Variants in HFE observed in about 807,000 individuals in gnomAD.
HFE encodes the protein hereditary hemochromatosis protein.
In HFE, 36 loss-of-function variants were observed where a neutral mutation model predicts 40.9. The observed-to-expected ratio is 0.88, with a 90% CI of 0.67 to 1.16. HFE has a LOEUF of 1.16. Ranked by LOEUF, HFE falls within the 50% of genes most tolerant of loss-of-function variation. The pLI, the probability that HFE is intolerant of heterozygous loss-of-function variation, is 0.00. For missense variants in HFE, 376 were observed against 432.0 expected, an observed-to-expected ratio of 0.87 and a Z score of 1.15; for synonymous variants, 157 against 165.4, an observed-to-expected ratio of 0.95 and a Z score of 0.39.
intron 5 of HFE, among the ~76,000 whole-genome samples, chr6:26,093,898 CT>C (rs1378362341): frequency 6.6e-6 from 1 of 151,904 alleles, no homozygotes; most frequent in East Asian, 1.9e-4. Context: ...GTCCAAGGGT[CT>C]TTTGGGATAT....
intron 1 of HFE, among the ~76,000 whole-genome samples, chr6:26,090,605 G>A (rs1315929136): frequency 2.6e-5 from 4 of 152,028 alleles, no homozygotes; most frequent in African/African-American, 9.7e-5. Context: ...CTAATCATGA[G>A]TATTGGAATA....
rs374956293 is a variant in HFE at position 26,094,266 on chromosome 6, T to G, written c.*40T>G. 8.2e-6 allele frequency: 13 copies of G among 1,594,408 alleles called. No homozygotes were observed. In the African/African-American group the frequency reaches 1.6e-4, roughly 20 times the overall value. ...ACTCACTGTGGGAAGGAGACAAAAC[T>G]AGAGACTCAAAGAGGGAGTGCATTT... On this transcript the variant is annotated 3_prime_UTR_variant, in exon 6 of 6. Transcript: ENST00000357618.
At position 26,096,975 on chromosome 6, in the gene HFE, G is replaced by T; in HGVS notation, c.*2749G>T. On this transcript the variant is annotated 3_prime_UTR_variant, in exon 6 of 6. Transcript: ENST00000357618. ...TTCAACTGTGGTAGCCGAATTAATC[G>T]TGTTTCTTCACTCTAGGGACATTGT... 4.6e-6 allele frequency: 1 copy of T among 215,662 alleles called. No homozygotes were observed. The highest frequency in any genetic ancestry group is 5.8e-5 in the South Asian group (1 of 17,170). 13.4% of individuals were successfully genotyped at this position (215,662 alleles called of 1,614,324 possible). A position where few individuals can be genotyped will look rare whatever the true frequency, so the allele number is the denominator to read the frequency against.
At chr6:26,088,418 ACT>A (rs1217113216) in intron 1 of HFE, among the ~76,000 whole-genome samples, 1 of 152,038 alleles carries the variant, frequency 6.6e-6, no homozygotes, top group African/African-American at 2.4e-5. Flanking sequence ...AGATTATATA[ACT>A]CTTTTCAGGT....
Position 26,094,401 on chromosome 6 carries a change from T to C in HFE, c.*175T>C, listed in dbSNP as rs1479416421. ...ATTTCCTCAAAAAGATTTCCCCATT[T>C]AGGTTTCTGAGTTCCTGCATGCCGG... On this transcript the variant is annotated 3_prime_UTR_variant, in exon 6 of 6. Coordinates refer to ENST00000357618, the MANE Select transcript of HFE (RefSeq NM_000410.4). The C allele has an allele frequency of 5.5e-6, 4 of 729,338 alleles. No homozygotes were observed. The highest frequency in any genetic ancestry group is 9.8e-6 in the Non-Finnish European group (4 of 408,250). The allele number at this position is 729,338 out of a possible 1,614,324, so 45.2% of individuals were successfully genotyped here. A position where few individuals can be genotyped will look rare whatever the true frequency, so the allele number is the denominator to read the frequency against.
At position 26,096,404 on chromosome 6, in the gene HFE, G is replaced by A; in HGVS notation, c.*2178G>A. ...CTGCCTCGGCCTCCCAAAGTGCTGA[G>A]ATTACAGGTGTGAGCCACCCTGCCC... On this transcript the variant is annotated 3_prime_UTR_variant, in exon 6 of 6. Transcript: ENST00000357618. 1 of 454,696 alleles carries A rather than the reference G, an allele frequency of 2.2e-6. No individual in the cohort carries two copies. The allele number at this position is 454,696 out of a possible 1,614,324, so 28.2% of individuals were successfully genotyped here. A position where few individuals can be genotyped will look rare whatever the true frequency, so the allele number is the denominator to read the frequency against.
At chr6:26,092,997 T>A (rs772633463) in intron 4 of HFE, 37 bp downstream of exon 4, 1 of 1,613,878 alleles carries the variant, frequency 6.2e-7, no homozygotes, top group Non-Finnish European at 8.5e-7. Flanking sequence ...TGAGAAAATC[T>A]ATTGGGGGTT....
chr6:26,091,727 A>G (rs1394216592), intron 3 of HFE, 138 bp downstream of exon 3: 5 of 822,560 alleles, frequency 6.1e-6, no homozygotes, highest in East Asian at 2.7e-5. Context: ...GACTTTCTCA[A>G]TCCTAGAGTC....
intron 1 of HFE, among the ~76,000 whole-genome samples, chr6:26,087,747 T>A (rs552235772): frequency 6.6e-6 from 1 of 152,126 alleles, no homozygotes; most frequent in Non-Finnish European, 1.5e-5. Context: ...CTGTCCCGGC[T>A]CTGCGGAGTG....
rs1296647532 is a variant in HFE at position 26,096,371 on chromosome 6, T to G, written c.*2145T>G. On this transcript the variant is annotated 3_prime_UTR_variant, in exon 6 of 6. Transcript: ENST00000357618. ...CTGGTCTCGAACTCTCCTGACCTCGTGATCCGCCTGCCTCGGCCTCCCAAA... is the reference window on the plus strand; with the variant it reads ...CTGGTCTCGAACTCTCCTGACCTCGGGATCCGCCTGCCTCGGCCTCCCAAA... 4.5e-6 allele frequency: 2 copies of G among 447,662 alleles called. No individual in the cohort carries two copies. Among genetic ancestry groups the G allele is most frequent in the Admixed American group, 4.9e-5 (2 of 41,110 alleles). 27.7% of individuals were successfully genotyped at this position (447,662 alleles called of 1,614,324 possible).
At chr6:26,090,328 A>G (rs562685080) in intron 1 of HFE, among the ~76,000 whole-genome samples, 3 of 149,728 alleles carry the variant, frequency 2.0e-5, no homozygotes, top group African/African-American at 7.3e-5. Flanking sequence ...CTATAGTCCC[A>G]GGTTTTCAGG....
chr6:26,087,628 T>A lies in HFE; in HGVS notation c.76+112T>A, dbSNP rs2858993. ...TAACTTTGGAGGACCTGCTCAACCC[T>A]ATCCGCAAGCCCCTCTCCCTACTTT... On this transcript the variant is annotated intron_variant, in intron 1 of 5. Coordinates refer to ENST00000357618, the MANE Select transcript of HFE (RefSeq NM_000410.4). 0.4 allele frequency: 343,396 copies of A among 852,542 alleles called. 74,156 individuals carry two copies. Among genetic ancestry groups the A allele is most frequent in the East Asian group, 0.72 (27,539 of 37,988 alleles). The allele number at this position is 852,542 out of a possible 1,614,324, so 52.8% of individuals were successfully genotyped here. A position where few individuals can be genotyped will look rare whatever the true frequency, so the allele number is the denominator to read the frequency against.
At position 26,087,449 on chromosome 6, in the gene HFE, G is replaced by A. The variant is rs1390702180; in HGVS notation, c.9G>A (p.Pro3=). The change falls in exon 1 of 6, where the codon CCG becomes CCA. Residue 3 remains proline, a synonymous_variant. Coordinates refer to ENST00000357618, the MANE Select transcript of HFE (RefSeq NM_000410.4). ...CGGCCAGAGCTGGGGAAATGGGCCCGCGAGCCAGGCCGGCGCTTCTCCTCC... is the reference window on the plus strand; with the variant it reads ...CGGCCAGAGCTGGGGAAATGGGCCCACGAGCCAGGCCGGCGCTTCTCCTCC... MG[P]RARPALLLLM... is the part of the protein sequence containing the mutation. 6.2e-7 allele frequency: 1 copy of A among 1,614,052 alleles called. No homozygotes were observed. The highest frequency in any genetic ancestry group is 8.5e-7 in the Non-Finnish European group (1 of 1,179,974).
rs1228087258 is a variant in HFE, at chr6:26,095,745, A to G, written c.*1519A>G. The stretch of plus-strand genomic sequence containing the variant: ...GAAGGGGAACAGCAGAAAACAACCA[A>G]CTGATCCTCAGCTGTCATGTTTCCT... On this transcript the variant is annotated 3_prime_UTR_variant, in exon 6 of 6. Transcript: ENST00000357618. 5 of 152,176 alleles carry G rather than the reference A, an allele frequency of 3.3e-5. No individual in the cohort carries two copies. The East Asian group carries it at 7.7e-4, about 23-fold the overall frequency. The allele number at this position is 152,176 out of a possible 1,614,324, so 9.4% of individuals were successfully genotyped here.
chr6:26,088,662 T>G (rs2794719), intron 1 of HFE, among the ~76,000 whole-genome samples: 56,618 of 152,052 alleles, frequency 0.37, 11,369 homozygotes, highest in East Asian at 0.71. Context: ...AATGGTACAC[T>G]GGGCTTTGGT....
rs764713081 is a variant in HFE, at chr6:26,092,823, A to G, written c.755A>G (p.Glu252Gly). Residue 252 changes from glutamate to glycine, a missense_variant, in exon 4 of 6, where the codon GAA becomes GGA. Transcript: ENST00000357618. ...DKQPMDAKEF[E>G]PKDVLPNGDG... ...CAGCCAATGGATGCCAAGGAGTTCGAACCTAAAGACGTATTGCCCAATGGG... is the reference window on the plus strand; with the variant it reads ...CAGCCAATGGATGCCAAGGAGTTCGGACCTAAAGACGTATTGCCCAATGGG... The G allele has an allele frequency of 8.7e-6, 14 of 1,614,112 alleles. No homozygotes were observed. The African/African-American group carries it at 1.9e-4, about 22-fold the overall frequency.
At position 26,092,919 on chromosome 6, in the gene HFE, T is replaced by G. The variant is rs1406109123; in HGVS notation, c.851T>G (p.Val284Gly). The G allele has an allele frequency of 6.2e-7, 1 of 1,613,968 alleles. No individual in the cohort carries two copies. Among genetic ancestry groups the G allele is most frequent in the Non-Finnish European group, 8.5e-7 (1 of 1,180,006 alleles). Residue 284 changes from valine (V) to glycine (G), a missense_variant, in exon 4 of 6, where the codon GTG becomes GGG. By Grantham distance (109) the Val-to-Gly change is moderately radical. Around this residue, in one of 3 missense-constraint regions of HFE, gnomAD observed 173 missense variants for 186.9 expected, o/e 0.93. Transcript: ENST00000357618. ...PGEEQRYTCQ[V>G]EHPGLDQPLI... The stretch of plus-strand genomic sequence containing the variant: ...GAAGAGCAGAGATATACGTGCCAGG[T>G]GGAGCACCCAGGCCTGGATCAGCCC...
intron 1 of HFE, among the ~76,000 whole-genome samples, chr6:26,089,106 T>TGGGGGGGGGGGGGGGG (rs576461485): frequency 1.7e-4 from 1 of 5,866 alleles, no homozygotes; most frequent in African/African-American, 5.4e-4. Flanking sequence ...TGTGTGTGTG[T>TGGGGGGGGGGGGGGGG]GTGGGGGGGG....
Position 26,096,349 on chromosome 6 carries a change from G to A in HFE, c.*2123G>A, listed in dbSNP as rs548345846. 57 of 412,570 alleles carry A rather than the reference G, an allele frequency of 1.4e-4. No individual in the cohort carries two copies. The East Asian group carries it at 4.1e-3, about 30-fold the overall frequency. 25.6% of individuals were successfully genotyped at this position (412,570 alleles called of 1,614,324 possible). On this transcript the variant is annotated 3_prime_UTR_variant, in exon 6 of 6. Transcript: ENST00000357618. ...GGGTTTCACCATGTTGGCCAGGCTG[G>A]TCTCGAACTCTCCTGACCTCGTGAT...
Sources: gnomAD v4.1 joint callset for allele counts (sites outside exome capture counted in the v4.1 genomes callset) on GRCh38, gnomAD v4.1.1 for gene constraint, gnomAD v4.1.1 regional missense constraint, MANE v1.5 for transcripts, NCBI Gene and HGNC (gene_info 2026-07-23, HGNC 2026-07-21) for gene names.